Variants in SNRPD3 observed in about 807,000 individuals in gnomAD.
SNRPD3 encodes the protein small nuclear ribonucleoprotein Sm D3.
For synonymous variants in SNRPD3, 66 were observed against 58.4 expected, an observed-to-expected ratio of 1.13 and a Z score of -0.59; for missense variants, 73 against 167.5, an observed-to-expected ratio of 0.44 and a Z score of 3.11.
intron 1 of SNRPD3, among the ~76,000 whole-genome samples, chr22:24,556,817 C>T (rs1190970699): frequency 1.3e-5 from 2 of 152,234 alleles, no homozygotes; most frequent in Non-Finnish European, 2.9e-5. Flanking sequence ...GTTCTCCTGT[C>T]TTAGGTACGC....
intron 2 of SNRPD3, among the ~76,000 whole-genome samples, chr22:24,566,987 C>T (rs764018419): frequency 5.9e-5 from 9 of 152,344 alleles, no homozygotes; most frequent in South Asian, 2.1e-4. Context: ...TGTCATTATT[C>T]GACTGCTCTG....
chr22:24,568,169 G>A lies in SNRPD3; in HGVS notation c.312G>A (p.Lys104=). 6.2e-7 allele frequency: 1 copy of A among 1,610,014 alleles called. No individual in the cohort carries two copies. The highest frequency in any genetic ancestry group is 8.5e-7 in the Non-Finnish European group (1 of 1,178,470). ...GAGRGKAAIL[K]AQVAARGRGR... Reference sequence around the variant, plus strand: ...GCCGAGGAAAAGCTGCTATTCTCAAGGCCCAAGGTAGGTGCTTTTCATGCA... The same window carrying A: ...GCCGAGGAAAAGCTGCTATTCTCAAAGCCCAAGGTAGGTGCTTTTCATGCA... Residue 104 remains lysine, a synonymous_variant, in exon 3 of 4, where the codon AAG becomes AAA. Transcript: ENST00000215829.
At chr22:24,559,711 C>T (rs2045114462) in intron 2 of SNRPD3, among the ~76,000 whole-genome samples, 1 of 152,146 alleles carries the variant, frequency 6.6e-6, no homozygotes, top group African/African-American at 2.4e-5. Context: ...AAAAATAGCA[C>T]CTTGGCCTCA....
intron 3 of SNRPD3, among the ~76,000 whole-genome samples, chr22:24,569,780 A>C (rs1242907819): frequency 6.6e-6 from 1 of 152,220 alleles, no homozygotes; most frequent in East Asian, 1.9e-4. Context: ...TCACATACTT[A>C]AATTTACTGG....
chr22:24,572,003 C>A lies in SNRPD3; in HGVS notation c.*26C>A. The A allele has an allele frequency of 6.2e-7, 1 of 1,613,336 alleles. No homozygotes were observed. The highest frequency in any genetic ancestry group is 2.2e-5 in the East Asian group (1 of 44,864). On this transcript the variant is annotated 3_prime_UTR_variant, in exon 4 of 4. Coordinates refer to ENST00000215829, the MANE Select transcript of SNRPD3 (RefSeq NM_004175.5). ...TTTTCTAAGTTGAACAGAACTTTGTCCTTTTTTCTTTCAGGTTATCTGAGT... is the reference window on the plus strand; with the variant it reads ...TTTTCTAAGTTGAACAGAACTTTGTACTTTTTTCTTTCAGGTTATCTGAGT...
At position 24,568,029 on chromosome 22, in the gene SNRPD3, C is replaced by T; in HGVS notation, c.172C>T (p.Leu58=). The part of the protein sequence containing the change: ...VTYRDGRVAQ[L]EQVYIRGSKI... ...ATACAGAGATGGCCGAGTGGCACAG[C>T]TGGAGCAGGTATACATCCGTGGCAG... The change falls in exon 3 of 4, where the codon CTG becomes TTG. Residue 58 remains leucine (L), a synonymous_variant. Transcript: ENST00000215829. 3.7e-6 allele frequency: 6 copies of T among 1,612,768 alleles called. No homozygotes were observed. Among genetic ancestry groups the T allele is most frequent in the Non-Finnish European group, 5.1e-6 (6 of 1,179,496 alleles).
chr22:24,573,438 A>G lies in SNRPD3; in HGVS notation c.*1461A>G, dbSNP rs139729890. ...TATTCAAGTAATGAAAGAGGAGGGG[A>G]AAAAAATCCAGCACATTAGTTAACC... is the stretch of plus-strand genomic sequence containing the variant. On this transcript the variant is annotated 3_prime_UTR_variant, in exon 4 of 4. Transcript: ENST00000215829. Among the ~76,000 whole-genome samples, 1,018 of 152,260 alleles carry G rather than the reference A, an allele frequency of 6.7e-3. 8 individuals are homozygous for G. Among genetic ancestry groups the G allele is most frequent in the African/African-American group, 0.023 (948 of 41,550 alleles).
At chr22:24,561,064 C>CT (rs1164120857) in intron 2 of SNRPD3, among the ~76,000 whole-genome samples, 6,076 of 61,788 alleles carry the variant, frequency 0.098, 387 homozygotes, top group Non-Finnish European at 0.11. Context: ...TTTTTCTTTT[C>CT]TTTTTTTTTT....
intron 2 of SNRPD3, among the ~76,000 whole-genome samples, chr22:24,561,680 C>T (rs1022296515): frequency 2.0e-5 from 3 of 152,182 alleles, no homozygotes; most frequent in African/African-American, 7.2e-5. Context: ...AGCACTTTTC[C>T]TTGCTTGTTC....
intron 3 of SNRPD3, among the ~76,000 whole-genome samples, chr22:24,568,403 G>A (rs1307303084): frequency 6.6e-6 from 1 of 152,034 alleles, no homozygotes; most frequent in Non-Finnish European, 1.5e-5. Flanking sequence ...GTGCGATGGT[G>A]TGATCTCAGC....
intron 3 of SNRPD3, among the ~76,000 whole-genome samples, chr22:24,569,963 C>T (rs538431624): frequency 2.9e-4 from 44 of 152,342 alleles, no homozygotes; most frequent in African/African-American, 6.7e-4. Context: ...TCAGCTGTCC[C>T]GAAGCTCCCC....
intron 2 of SNRPD3, among the ~76,000 whole-genome samples, chr22:24,560,446 T>C (rs1291337527): frequency 1.6e-5 from 1 of 60,846 alleles, no homozygotes; most frequent in Non-Finnish European, 3.1e-5. Context: ...TTTTTTTTTT[T>C]TTTTTTTTTT....
rs1411719939 is a variant in SNRPD3, at chr22:24,573,237, A to G, written c.*1260A>G. Reference sequence around the variant, plus strand: ...AATAAGTAGTAGTAAAGAGTATAAGATACACAGGGTGAATAATTGTGACAA... The same window carrying G: ...AATAAGTAGTAGTAAAGAGTATAAGGTACACAGGGTGAATAATTGTGACAA... On this transcript the variant is annotated 3_prime_UTR_variant, in exon 4 of 4. Coordinates refer to ENST00000215829, the MANE Select transcript of SNRPD3 (RefSeq NM_004175.5). Among the ~76,000 whole-genome samples the G allele has an allele frequency of 1.3e-5, 2 of 152,120 alleles. No individual in the cohort carries two copies. The highest frequency in any genetic ancestry group is 2.9e-5 in the Non-Finnish European group (2 of 68,020).
At chr22:24,561,836 G>T (rs2045146915) in intron 2 of SNRPD3, among the ~76,000 whole-genome samples, 1 of 152,032 alleles carries the variant, frequency 6.6e-6, no homozygotes, top group African/African-American at 2.4e-5. Context: ...GACTTTGTCT[G>T]TAAAAAAAAT....
chr22:24,558,618 A>G (rs1240136476), intron 2 of SNRPD3, among the ~76,000 whole-genome samples: 2 of 152,230 alleles, frequency 1.3e-5, no homozygotes, highest in South Asian at 2.1e-4. Context: ...GGAAATGACA[A>G]TAAAGGATAA....
chr22:24,561,377 A>G lies in SNRPD3; in HGVS notation c.126+3577A>G, dbSNP rs142738193. 1.0e-3 allele frequency among the ~76,000 whole-genome samples: 159 copies of G among 152,244 alleles called. 2 individuals are homozygous for G. Among genetic ancestry groups the G allele is most frequent in the African/African-American group, 3.6e-3 (150 of 41,552 alleles). ...GCATGAGCCACCACATCTGGCCTGT[A>G]AAGATTTTTTGTCTCTAAATATGAT... On this transcript the variant is annotated intron_variant, in intron 2 of 3. Coordinates refer to ENST00000215829, the MANE Select transcript of SNRPD3 (RefSeq NM_004175.5).
In SNRPD3 at chr22:24,574,653, C is replaced by T. The variant is rs2045275161; in HGVS notation, c.*2676C>T. ...CCTTCTCGGGCTCAGGTGATTCTCCCACCTCAGCCTCCTGAGTAGCTAGAA... is the reference window on the plus strand; with the variant it reads ...CCTTCTCGGGCTCAGGTGATTCTCCTACCTCAGCCTCCTGAGTAGCTAGAA... On this transcript the variant is annotated 3_prime_UTR_variant, in exon 4 of 4. Transcript: ENST00000215829. Among the ~76,000 whole-genome samples, 1 of 152,188 alleles carries T rather than the reference C, an allele frequency of 6.6e-6. No individual in the cohort carries two copies. Among genetic ancestry groups the T allele is most frequent in the South Asian group, 2.1e-4 (1 of 4,834 alleles).
chr22:24,562,324 G>A (rs1047563259), intron 2 of SNRPD3, among the ~76,000 whole-genome samples: 1 of 152,116 alleles, frequency 6.6e-6, no homozygotes, highest in Non-Finnish European at 1.5e-5. Context: ...GGCAGATCAC[G>A]AGGTCAGGAG....
At chr22:24,559,663 C>A (rs563781292) in intron 2 of SNRPD3, among the ~76,000 whole-genome samples, 1 of 152,216 alleles carries the variant, frequency 6.6e-6, no homozygotes, top group African/African-American at 2.4e-5. Flanking sequence ...TAGCTTTGGA[C>A]CTCCTTCATC....
Sources: allele counts gnomAD v4.1 joint callset (sites outside exome capture counted in the v4.1 genomes callset), GRCh38; gene constraint gnomAD v4.1.1; transcripts MANE v1.5; gene names NCBI Gene and HGNC (gene_info 2026-07-23, HGNC 2026-07-21).